TPH2: variants seen among roughly 807,000 people sequenced by gnomAD.
TPH2 encodes the protein tryptophan 5-hydroxylase 2.
In TPH2, 27 loss-of-function variants were observed where a neutral mutation model predicts 59.1. The ratio of observed to expected loss-of-function variants is 0.46; its 90% confidence interval spans 0.34 to 0.63. The LOEUF (loss-of-function observed/expected upper bound fraction) is 0.63. Ranked by LOEUF, TPH2 falls within the 30% of genes least tolerant of loss-of-function variation. The pLI is 0.01. For missense variants in TPH2, 523 were observed against 588.3 expected (o/e 0.89, Z 1.15); for synonymous variants, 220 against 210.5 (o/e 1.05, Z -0.39).
chr12:71,985,350 T>G (rs1181202262), intron 7 of TPH2, among the ~76,000 whole-genome samples: 1 of 152,178 alleles, frequency 6.6e-6, no homozygotes, highest in Non-Finnish European at 1.5e-5. Context: ...GTTGTTGTTG[T>G]TGTTGTTTTC....
chr12:71,992,899 C>T (rs1436795320), intron 7 of TPH2, among the ~76,000 whole-genome samples: 1 of 152,182 alleles, frequency 6.6e-6, no homozygotes, highest in African/African-American at 2.4e-5. Context: ...TGCCCCTATA[C>T]CCTAAAATCC....
chr12:72,031,075 C>T (rs1592420325), intron 9 of TPH2, among the ~76,000 whole-genome samples, 183 bp from the exon 10 acceptor site: 1 of 152,042 alleles, frequency 6.6e-6, no homozygotes, highest in African/African-American at 2.4e-5. Context: ...AAACAAACAA[C>T]CAAACAAAAT....
In TPH2 at chr12:71,995,594, G is replaced by C. The variant is rs1277709238; in HGVS notation, c.1068+1029G>C. Among the ~76,000 whole-genome samples the C allele has an allele frequency of 2.0e-5, 3 of 152,090 alleles. No homozygotes were observed. In the South Asian group the frequency reaches 6.2e-4, roughly 32 times the overall value. ...ACTGGGAGATATTTCTCAACTAAAAGATAAATAGCAATGCAGAAGCCATCT... is the reference window on the plus strand; with the variant it reads ...ACTGGGAGATATTTCTCAACTAAAACATAAATAGCAATGCAGAAGCCATCT... On this transcript the variant is annotated intron_variant, in intron 8 of 10. Transcript: ENST00000333850.
intron 8 of TPH2, among the ~76,000 whole-genome samples, chr12:72,020,704 C>G (rs1378690811): frequency 1.3e-5 from 2 of 152,108 alleles, no homozygotes; most frequent in African/African-American, 4.8e-5. Context: ...CCAGGCTGGT[C>G]TTGAACTCCT....
intron 8 of TPH2, among the ~76,000 whole-genome samples, chr12:72,017,449 G>T (rs918844380): frequency 6.6e-6 from 1 of 152,124 alleles, no homozygotes; most frequent in African/African-American, 2.4e-5. Flanking sequence ...ATGATTATAT[G>T]TAATTATATC....
intron 7 of TPH2, among the ~76,000 whole-genome samples, chr12:71,980,281 G>C (rs1396388418): frequency 6.6e-6 from 1 of 152,150 alleles, no homozygotes; most frequent in Admixed American, 6.5e-5. Context: ...AGGCCACTCA[G>C]GGTATCGCTT....
intron 1 of TPH2, among the ~76,000 whole-genome samples, chr12:71,940,451 C>G (rs924331206): frequency 1.3e-5 from 2 of 152,142 alleles, no homozygotes; most frequent in East Asian, 3.8e-4. Flanking sequence ...CAGAAGAAGA[C>G]AATGGCAGAT....
At chr12:72,000,760 G>C (rs1872803518) in intron 8 of TPH2, among the ~76,000 whole-genome samples, 1 of 152,142 alleles carries the variant, frequency 6.6e-6, no homozygotes, top group African/African-American at 2.4e-5. Context: ...CCTGAAAACA[G>C]ACCTTTCATC....
intron 6 of TPH2, among the ~76,000 whole-genome samples, chr12:71,977,171 C>T (rs993061125): frequency 1.3e-5 from 2 of 152,222 alleles, no homozygotes; most frequent in African/African-American, 4.8e-5. Flanking sequence ...TGTGCCTCAC[C>T]TGTATTCCCC....
chr12:71,998,194 G>A lies in TPH2; in HGVS notation c.1068+3629G>A, dbSNP rs1872738735. On this transcript the variant is annotated intron_variant, in intron 8 of 10. Coordinates refer to ENST00000333850, the MANE Select transcript of TPH2 (RefSeq NM_173353.4). ...CTGATTCACTCATTTCTCTTTTCTTGATATTGCTTGAGCTCCCACCCCAAC... is the reference window on the plus strand; with the variant it reads ...CTGATTCACTCATTTCTCTTTTCTTAATATTGCTTGAGCTCCCACCCCAAC... 4.6e-5 allele frequency among the ~76,000 whole-genome samples: 7 copies of A among 152,216 alleles called. No homozygotes were observed. The South Asian group carries it at 1.5e-3, about 32-fold the overall frequency.
intron 2 of TPH2, 146 bp from the exon 3 acceptor site, chr12:71,944,148 T>C: frequency 3.8e-6 from 3 of 789,334 alleles, no homozygotes; most frequent in Non-Finnish European, 6.2e-6. Context: ...TTGGAAACAT[T>C]TCCAAGTTTT....
intron 8 of TPH2, 36 bp downstream of exon 8, chr12:71,994,601 A>G: frequency 6.2e-7 from 1 of 1,611,810 alleles, no homozygotes; most frequent in Non-Finnish European, 8.5e-7. Context: ...AGTGCTATTT[A>G]TGTCCATTTG....
rs1413817801 is a variant in TPH2, at chr12:71,964,115, A to C, written c.609-8404A>C. ...GTTTCATTCAAAACCTGAGAAAGCA[A>C]ATCAATGGAAGATAATGGAATGGGA... On this transcript the variant is annotated intron_variant, in intron 5 of 10. Transcript: ENST00000333850. Among the ~76,000 whole-genome samples the C allele has an allele frequency of 5.9e-5, 3 of 50,560 alleles. 1 individual carries two copies. The highest frequency in any genetic ancestry group is 1.7e-4 in the African/African-American group (3 of 17,966). The allele number at this position is 50,560 out of a possible 152,430, so 33.2% of individuals were successfully genotyped here. A position where few individuals can be genotyped will look rare whatever the true frequency, so the allele number is the denominator to read the frequency against.
intron 9 of TPH2, among the ~76,000 whole-genome samples, chr12:72,028,074 A>G (rs1453865015): frequency 6.6e-6 from 1 of 152,180 alleles, no homozygotes; most frequent in African/African-American, 2.4e-5. Flanking sequence ...GGTAAATCCA[A>G]AATAGTCCTT....
At chr12:71,986,648 T>TC (rs71071811) in intron 7 of TPH2, among the ~76,000 whole-genome samples, 2 of 150,686 alleles carry the variant, frequency 1.3e-5, no homozygotes, top group African/African-American at 4.9e-5. Flanking sequence ...TTTTTTTTTT[T>TC]AGCAGATTCA....
At position 71,944,577 on chromosome 12, in the gene TPH2, T is replaced by G; in HGVS notation, c.440-9T>G. 1 of 1,613,864 alleles carries G rather than the reference T, an allele frequency of 6.2e-7. No individual in the cohort carries two copies. Among genetic ancestry groups the G allele is most frequent in the Non-Finnish European group, 8.5e-7 (1 of 1,179,794 alleles). On this transcript the variant is annotated splice_polypyrimidine_tract_variant and intron_variant, in intron 3 of 10. Transcript: ENST00000333850. The stretch of plus-strand genomic sequence containing the variant: ...ACTAATATTTTTGAACCTGCACTGT[T>G]TTCAACAGAGCTAGAGGATGTGCCC...
intron 6 of TPH2, among the ~76,000 whole-genome samples, chr12:71,973,454 T>G (rs1047307759): frequency 2.6e-5 from 4 of 152,222 alleles, no homozygotes; most frequent in African/African-American, 9.6e-5. Flanking sequence ...CGTGACAGTT[T>G]ACAGATGCCA....
At chr12:72,023,363 T>C (rs183940919) in intron 9 of TPH2, among the ~76,000 whole-genome samples, 124 of 152,372 alleles carry the variant, frequency 8.1e-4, no homozygotes, top group African/African-American at 2.9e-3. Context: ...TTGGTACTTT[T>C]TGGCCATTTG....
chr12:72,014,525 G>C (rs566355760), intron 8 of TPH2, among the ~76,000 whole-genome samples: 1 of 151,804 alleles, frequency 6.6e-6, no homozygotes, highest in African/African-American at 2.4e-5. Flanking sequence ...AGAGTAGCTG[G>C]GATTACAGGC....
Sources: allele counts gnomAD v4.1 joint callset (sites outside exome capture counted in the v4.1 genomes callset), GRCh38; gene constraint gnomAD v4.1.1; transcripts MANE v1.5; gene names NCBI Gene and HGNC (gene_info 2026-07-23, HGNC 2026-07-21).